Variants in ZNF407 observed in about 807,000 individuals in gnomAD.
ZNF407 encodes the protein zinc finger protein 407.
Under a neutral mutation model 131.2 loss-of-function variants are expected in ZNF407, and 17 were observed. The observed-to-expected ratio is 0.13, with a 90% CI of 0.09 to 0.19. ZNF407 has a LOEUF of 0.19. Among genes scored for constraint, ZNF407 ranks in the 10% least tolerant of loss-of-function variants. The probability of loss-of-function intolerance (pLI) is 1.00; values close to 1 mark genes in which losing one functional copy is unlikely to be tolerated. For synonymous variants in ZNF407, 1,156 were observed against 1,062.0 expected, an observed-to-expected ratio of 1.09 and a Z score of -1.72; for missense variants, 2,681 against 2,830.6, an observed-to-expected ratio of 0.95 and a Z score of 1.20.
At chr18:74,780,052 C>T (rs944919109) in intron 3 of ZNF407, among the ~76,000 whole-genome samples, 3 of 151,590 alleles carry the variant, frequency 2.0e-5, no homozygotes, top group Middle Eastern at 3.4e-3. Context: ...TTAATATTAT[C>T]ACAGTTTTTT....
At chr18:74,619,733 T>A (rs1037070449) in intron 1 of ZNF407, among the ~76,000 whole-genome samples, 13 of 152,326 alleles carry the variant, frequency 8.5e-5, no homozygotes, top group African/African-American at 3.1e-4. Flanking sequence ...TAGATGAAAT[T>A]ATATTTTACA....
chr18:74,646,204 A>G (rs1204481335), intron 3 of ZNF407, among the ~76,000 whole-genome samples: 3 of 152,238 alleles, frequency 2.0e-5, no homozygotes, highest in African/African-American at 4.8e-5. Context: ...AAAGCTGTGT[A>G]TACCTAAATC....
intron 8 of ZNF407, among the ~76,000 whole-genome samples, chr18:75,041,327 G>T (rs1289123144): frequency 2.0e-5 from 3 of 152,080 alleles, no homozygotes; most frequent in Non-Finnish European, 4.4e-5. Flanking sequence ...TTATGAAAAA[G>T]AAGACACTAA....
intron 3 of ZNF407, among the ~76,000 whole-genome samples, chr18:74,737,033 G>A (rs1224021158): frequency 6.6e-6 from 1 of 152,144 alleles, no homozygotes; most frequent in African/African-American, 2.4e-5. Context: ...AGCCATTCCT[G>A]CTAGTAAAAC....
At chr18:74,902,755 G>A (rs1251246175) in intron 7 of ZNF407, among the ~76,000 whole-genome samples, 1 of 152,118 alleles carries the variant, frequency 6.6e-6, no homozygotes, top group Non-Finnish European at 1.5e-5. Context: ...GTAGACTTAG[G>A]GAGCTCTGTA....
At chr18:74,702,485 TA>T (rs1434351429) in intron 3 of ZNF407, among the ~76,000 whole-genome samples, 1 of 152,170 alleles carries the variant, frequency 6.6e-6, no homozygotes, top group Non-Finnish European at 1.5e-5. Flanking sequence ...TAAATATAGA[TA>T]TTTTACTGAT....
In ZNF407 at chr18:75,035,823, T is replaced by A. The variant is rs1003180105; in HGVS notation, c.5429-27327T>A. Among the ~76,000 whole-genome samples the A allele has an allele frequency of 1.2e-4, 18 of 152,104 alleles. No individual in the cohort carries two copies. In the East Asian group the frequency reaches 3.5e-3, roughly 29 times the overall value. On this transcript the variant is annotated intron_variant, in intron 8 of 8. Transcript: ENST00000299687. ...CTTCTGAGGATTCCATTAGCTGAGA[T>A]ATCTTGTGATAGGGAGAGGTATCAC...
At chr18:74,688,016 C>G (rs559007667) in intron 3 of ZNF407, among the ~76,000 whole-genome samples, 1 of 152,096 alleles carries the variant, frequency 6.6e-6, no homozygotes, top group South Asian at 2.1e-4. Flanking sequence ...TAGAACTGAC[C>G]TGCACTTTAG....
At position 74,631,496 on chromosome 18, in the gene ZNF407, C is replaced by T; in HGVS notation, c.477C>T (p.Ser159=). 2.5e-6 allele frequency: 4 copies of T among 1,613,832 alleles called. No individual in the cohort carries two copies. Among genetic ancestry groups the T allele is most frequent in the Non-Finnish European group, 3.4e-6 (4 of 1,179,874 alleles). The part of the protein sequence containing the change: ...TEKTSAQEMV[S]LDLERESPFP... Reference sequence around the variant, plus strand: ...AAACATCTGCTCAGGAAATGGTTTCCCTTGATCTGGAAAGAGAATCTCCTT... The same window carrying T: ...AAACATCTGCTCAGGAAATGGTTTCTCTTGATCTGGAAAGAGAATCTCCTT... The change falls in exon 2 of 9, where the codon TCC becomes TCT. Residue 159 remains serine (S), a synonymous_variant. Coordinates refer to ENST00000299687, the MANE Select transcript of ZNF407 (RefSeq NM_017757.3).
At chr18:75,016,678 G>T (rs1973048041) in intron 8 of ZNF407, among the ~76,000 whole-genome samples, 1 of 152,116 alleles carries the variant, frequency 6.6e-6, no homozygotes, top group Admixed American at 6.6e-5. Flanking sequence ...TGTTATCATT[G>T]TGAGTAATTT....
At chr18:74,844,869 G>A (rs548652598) in intron 4 of ZNF407, among the ~76,000 whole-genome samples, 28 of 152,186 alleles carry the variant, frequency 1.8e-4, no homozygotes, top group African/African-American at 5.5e-4. Context: ...TCCTTGATGC[G>A]TCTGCCCTAA....
chr18:75,005,347 T>C (rs1972895986), intron 8 of ZNF407, among the ~76,000 whole-genome samples: 1 of 152,166 alleles, frequency 6.6e-6, no homozygotes, highest in Non-Finnish European at 1.5e-5. Context: ...GCCTTTTTTT[T>C]CTCTAGAGCT....
rs772817474 is a variant in ZNF407 at position 74,632,657 on chromosome 18, T to C, written c.1638T>C (p.His546=). The C allele has an allele frequency of 5.0e-6, 8 of 1,614,000 alleles. No homozygotes were observed. In the South Asian group the frequency reaches 5.5e-5, roughly 11 times the overall value. The change falls in exon 2 of 9, where the codon CAT becomes CAC. Residue 546 remains histidine (H), a synonymous_variant. Transcript: ENST00000299687. ...CAAATAGGACAGATTTGGAAATCCA[T>C]GTGAAAAGGTGCCATGCCAGAGAGA... ...VATNRTDLEI[H]VKRCHAREMK... is the part of the protein sequence containing the mutation.
At chr18:74,630,904 G>C (rs1484238669) in intron 1 of ZNF407, 63 bp from the exon 2 acceptor site, 7 of 1,276,440 alleles carry the variant, frequency 5.5e-6, no homozygotes, top group African/African-American at 1.5e-5. Flanking sequence ...TTTTCATCTA[G>C]TTTTAGACTA....
At chr18:75,047,570 A>G (rs916602123) in intron 8 of ZNF407, among the ~76,000 whole-genome samples, 1 of 152,092 alleles carries the variant, frequency 6.6e-6, no homozygotes, top group Non-Finnish European at 1.5e-5. Context: ...TGTGCAGTTT[A>G]CCTACTGTAC....
At position 75,033,276 on chromosome 18, in the gene ZNF407, A is replaced by G. The variant is rs542098948; in HGVS notation, c.5429-29874A>G. On this transcript the variant is annotated intron_variant, in intron 8 of 8. Transcript: ENST00000299687. Reference sequence around the variant, plus strand: ...GGGGGGAAGATAGTATTAGGTAACTAAGCGTGCTCAGAATGGGGGGAAGAT... The same window carrying G: ...GGGGGGAAGATAGTATTAGGTAACTGAGCGTGCTCAGAATGGGGGGAAGAT... Among the ~76,000 whole-genome samples the G allele has an allele frequency of 1.9e-3, 282 of 147,192 alleles. 2 individuals are homozygous for G. Among genetic ancestry groups the G allele is most frequent in the African/African-American group, 6.8e-3 (269 of 39,748 alleles).
intron 1 of ZNF407, among the ~76,000 whole-genome samples, chr18:74,629,192 C>T (rs1051881366): frequency 6.6e-6 from 1 of 152,158 alleles, no homozygotes; most frequent in Non-Finnish European, 1.5e-5. Flanking sequence ...ATGAGGGTTC[C>T]AGTTTTTCCA....
intron 1 of ZNF407, among the ~76,000 whole-genome samples, chr18:74,623,266 G>C (rs1333810641): frequency 6.6e-6 from 1 of 151,830 alleles, no homozygotes; most frequent in Non-Finnish European, 1.5e-5. Context: ...GTGTGTGTGT[G>C]CATGAGTGTG....
intron 3 of ZNF407, among the ~76,000 whole-genome samples, chr18:74,780,573 T>G (rs1448488022): frequency 6.6e-6 from 1 of 152,216 alleles, no homozygotes; most frequent in Non-Finnish European, 1.5e-5. Flanking sequence ...ATTAACTTTA[T>G]GAAGGACAGC....
Sources: allele counts gnomAD v4.1 joint callset (sites outside exome capture counted in the v4.1 genomes callset), GRCh38; gene constraint gnomAD v4.1.1; transcripts MANE v1.5; gene names NCBI Gene and HGNC (gene_info 2026-07-23, HGNC 2026-07-21).